The following GRB10 variants were observed in gnomAD, a reference collection of about 807,000 sequenced individuals.
GRB10 encodes the protein growth factor receptor bound protein 10.
GRB10 carries 20 observed loss-of-function variants against 80.9 expected under a neutral mutation model. The ratio of observed to expected loss-of-function variants is 0.25; its 90% CI spans 0.17 to 0.36. The LOEUF is 0.36. Ranked by LOEUF, GRB10 falls within the 10% of genes least tolerant of loss-of-function variation. GRB10 has a pLI of 1.00. For synonymous variants in GRB10, 291 were observed against 291.5 expected (o/e 1.00, Z 0.02); for missense variants, 548 against 747.7 (o/e 0.73, Z 3.12).
At chr7:50,758,905 C>G (rs1410970192) in intron 2 of GRB10, among the ~76,000 whole-genome samples, 1 of 152,156 alleles carries the variant, frequency 6.6e-6, no homozygotes, top group Non-Finnish European at 1.5e-5. Flanking sequence ...GAAATACAGG[C>G]CAGGCACAGT....
chr7:50,643,207 G>A (rs2056598094), intron 7 of GRB10, among the ~76,000 whole-genome samples: 1 of 152,172 alleles, frequency 6.6e-6, no homozygotes, highest in South Asian at 2.1e-4. Context: ...AGTATGAGCG[G>A]ATTAGGGTAC....
intron 6 of GRB10, 119 bp downstream of exon 6, chr7:50,674,317 C>G (rs992169116): frequency 4.1e-6 from 4 of 981,870 alleles, no homozygotes; most frequent in Non-Finnish European, 6.2e-6. Flanking sequence ...ATGTATCTGC[C>G]TCTTGACTTT....
At chr7:50,698,652 A>G (rs971117151) in intron 5 of GRB10, among the ~76,000 whole-genome samples, 1 of 152,168 alleles carries the variant, frequency 6.6e-6, no homozygotes, top group Non-Finnish European at 1.5e-5. Context: ...CCTTTGGTCT[A>G]TTTGTCTGGC....
In GRB10 at chr7:50,669,839, C is replaced by G. The variant is rs1380547155; in HGVS notation, c.387G>C (p.Gln129His). Reference protein sequence around the residue: ...AVRRLQEEDQQFRTSSLPAIP... With the variant: ...AVRRLQEEDQHFRTSSLPAIP... Reference sequence around the variant, plus strand: ...TGGCCGGCAGAGATGAGGTTCTAAACTGCTGGTCTTCCTCCTGAAGGCGCC... The same window carrying G: ...TGGCCGGCAGAGATGAGGTTCTAAAGTGCTGGTCTTCCTCCTGAAGGCGCC... Residue 129 changes from glutamine to histidine, a missense_variant, in exon 7 of 19, where the codon CAG (glutamine) becomes CAC (histidine). Gln to His is a conservative substitution (Grantham distance 24). Around this residue, in one of 4 missense-constraint regions of GRB10, gnomAD observed 245 missense variants for 229.3 expected, o/e 1.07. Transcript: ENST00000401949. 6.2e-7 allele frequency: 1 copy of G among 1,613,328 alleles called. No individual in the cohort carries two copies. Among genetic ancestry groups the G allele is most frequent in the African/African-American group, 1.3e-5 (1 of 75,040 alleles).
intron 13 of GRB10, among the ~76,000 whole-genome samples, chr7:50,612,319 G>A (rs537604704): frequency 9.2e-5 from 14 of 152,148 alleles, no homozygotes; most frequent in African/African-American, 3.1e-4. Context: ...TCTCAACCAG[G>A]GGCAATTCCC....
In GRB10 at chr7:50,591,302, C is replaced by T. The variant is rs931489292; in HGVS notation, c.*1650G>A. The stretch of plus-strand genomic sequence containing the variant: ...TACTATACGGTAGACTGACTTCCAG[C>T]TGACTGGCCTTACTGAAGCTTGTGA... On this transcript the variant is annotated 3_prime_UTR_variant, in exon 19 of 19. Transcript: ENST00000401949. 4 of 152,240 alleles carry T rather than the reference C, an allele frequency of 2.6e-5. No individual in the cohort carries two copies. Among genetic ancestry groups the T allele is most frequent in the African/African-American group, 4.8e-5 (2 of 41,448 alleles). The allele number at this position is 152,240 out of a possible 1,614,324, so 9.4% of individuals were successfully genotyped here.
intron 3 of GRB10, among the ~76,000 whole-genome samples, chr7:50,738,416 C>T (rs759305010): frequency 3.3e-5 from 5 of 152,164 alleles, no homozygotes; most frequent in Middle Eastern, 3.2e-3. Flanking sequence ...AATTCATCAA[C>T]AGACAAACAA....
At chr7:50,717,827 T>C (rs962287666) in intron 4 of GRB10, among the ~76,000 whole-genome samples, 8 of 152,220 alleles carry the variant, frequency 5.3e-5, no homozygotes, top group Non-Finnish European at 1.0e-4. Flanking sequence ...TGAGGAGCGA[T>C]GGTCAGATAC....
At chr7:50,649,385 A>C (rs1239953059) in intron 7 of GRB10, among the ~76,000 whole-genome samples, 2 of 152,198 alleles carry the variant, frequency 1.3e-5, no homozygotes, top group Admixed American at 6.5e-5. Context: ...AGTGAAGAAA[A>C]GGTCTCAGGA....
chr7:50,673,204 T>C (rs2060539896), intron 6 of GRB10, among the ~76,000 whole-genome samples: 1 of 152,010 alleles, frequency 6.6e-6, no homozygotes, highest in Admixed American at 6.5e-5. Context: ...CAGAACCCCA[T>C]CCTGACAGAG....
At chr7:50,652,048 A>G (rs1370049131) in intron 7 of GRB10, among the ~76,000 whole-genome samples, 2 of 152,236 alleles carry the variant, frequency 1.3e-5, no homozygotes, top group African/African-American at 4.8e-5. Flanking sequence ...AAGGGCCCTG[A>G]TCTATTCTGG....
chr7:50,760,010 A>G (rs1203712128), intron 2 of GRB10, among the ~76,000 whole-genome samples: 2 of 152,232 alleles, frequency 1.3e-5, no homozygotes, highest in Non-Finnish European at 2.9e-5. Context: ...CAGGACCAAC[A>G]GGCCCAATAA....
chr7:50,782,070 G>A lies in GRB10; in HGVS notation c.-327+354C>T, dbSNP rs965078076. 6.6e-6 allele frequency among the ~76,000 whole-genome samples: 1 copy of A among 152,170 alleles called. No individual in the cohort carries two copies. The highest frequency in any genetic ancestry group is 2.1e-4 in the South Asian group (1 of 4,824). ...ATTTCCCAAACCGGTTCCCACACCC[G>A]CTGCCCACCACCTGGCGAGGAAGGA... is the stretch of plus-strand genomic sequence containing the variant. On this transcript the variant is annotated intron_variant, in intron 1 of 18. Coordinates refer to ENST00000401949, the MANE Select transcript of GRB10 (RefSeq NM_001350814.2). The surrounding 1 kb of genome is among the most constrained non-coding windows in gnomAD (Gnocchi z 6.6).
At chr7:50,791,196 C>G (rs1002552005) in intron 1 of GRB10, among the ~76,000 whole-genome samples, 1 of 152,170 alleles carries the variant, frequency 6.6e-6, no homozygotes, top group Non-Finnish European at 1.5e-5. Flanking sequence ...AACATAACTA[C>G]CACATCAAAA....
chr7:50,723,811 C>T (rs1417736685), intron 4 of GRB10, among the ~76,000 whole-genome samples: 2 of 152,198 alleles, frequency 1.3e-5, no homozygotes, highest in Non-Finnish European at 2.9e-5. Context: ...CCCTCCAAAA[C>T]GGTGTAGACT....
intron 5 of GRB10, among the ~76,000 whole-genome samples, chr7:50,687,570 C>T (rs1362249227): frequency 6.6e-6 from 1 of 152,212 alleles, no homozygotes; most frequent in East Asian, 1.9e-4. Context: ...CTCCACTCAA[C>T]CCTGGGTGCA....
intron 2 of GRB10, among the ~76,000 whole-genome samples, chr7:50,777,684 G>C (rs953487447): frequency 6.6e-6 from 1 of 151,944 alleles, no homozygotes; most frequent in African/African-American, 2.4e-5. Flanking sequence ...ATTAATGATA[G>C]ACTGGATAAA....
At chr7:50,737,984 A>C (rs2071100916) in intron 3 of GRB10, among the ~76,000 whole-genome samples, 1 of 152,260 alleles carries the variant, frequency 6.6e-6, no homozygotes, top group South Asian at 2.1e-4. Context: ...TCTCCAAAGA[A>C]GATATACGAA....
intron 16 of GRB10, 24 bp downstream of exon 16, chr7:50,604,287 C>G: frequency 6.3e-7 from 1 of 1,592,216 alleles, no homozygotes; most frequent in Non-Finnish European, 8.6e-7. Context: ...TGTACAAAAA[C>G]ATCAGGCAAT....
Sources: gnomAD v4.1 joint callset for allele counts (sites outside exome capture counted in the v4.1 genomes callset) on GRCh38, gnomAD v4.1.1 for gene constraint, gnomAD v4.1.1 regional missense constraint, Gnocchi (gnomAD v3.1) non-coding constraint, MANE v1.5 for transcripts, NCBI Gene and HGNC (gene_info 2026-07-23, HGNC 2026-07-21) for gene names.